Variants in BMP8A observed in about 807,000 individuals in gnomAD.
BMP8A encodes BMP-8A.
BMP8A carries 14 observed loss-of-function variants against 36.8 expected under a neutral mutation model. That is an observed-to-expected ratio of 0.38 (90% CI 0.25 to 0.60). BMP8A has a LOEUF of 0.60. BMP8A is among the 20% of genes least tolerant of loss of function. BMP8A has a pLI of 0.63. For synonymous variants in BMP8A, 120 were observed against 237.7 expected (o/e 0.50, Z 4.55); for missense variants, 267 against 551.1 (o/e 0.48, Z 5.16).
chr1:39,492,096 T>C lies in BMP8A; in HGVS notation c.105T>C (p.Arg35=), dbSNP rs1382732151. 5 of 1,165,890 alleles carry C rather than the reference T, an allele frequency of 4.3e-6. No individual in the cohort carries two copies. The highest frequency in any genetic ancestry group is 5.3e-6 in the Non-Finnish European group (5 of 948,570). The allele number at this position is 1,165,890 out of a possible 1,614,324, so 72.2% of individuals were successfully genotyped here. A position where few individuals can be genotyped will look rare whatever the true frequency, so the allele number is the denominator to read the frequency against. The change falls in exon 1 of 7, where the codon CGT becomes CGC. Residue 35 remains arginine (R), a synonymous_variant. Coordinates refer to ENST00000331593, the MANE Select transcript of BMP8A (RefSeq NM_181809.4). ...LRPPPGCPQR[R]LGARERRDVQ... The stretch of plus-strand genomic sequence containing the variant: ...CCCCGCCCGGCTGTCCCCAGCGACG[T>C]CTGGGCGCGCGCGAGCGCCGGGACG...
At chr1:39,499,923 G>A (rs1227517747) in intron 1 of BMP8A, among the ~76,000 whole-genome samples, 20 of 152,178 alleles carry the variant, frequency 1.3e-4, no homozygotes, top group Admixed American at 1.3e-3. Context: ...CACCTCCCAA[G>A]GTCATGCACT....
chr1:39,505,985 CCAAA>C (rs1486024547), intron 1 of BMP8A, among the ~76,000 whole-genome samples: 3,681 of 93,886 alleles, frequency 0.039, 401 homozygotes, highest in East Asian at 0.31. Context: ...GACCCTGTCT[CCAAA>C]AAAAAAAAAA....
chr1:39,525,526 G>C, intron 6 of BMP8A, 123 bp from the exon 7 acceptor site: 1 of 1,284,888 alleles, frequency 7.8e-7, no homozygotes, highest in Non-Finnish European at 1.1e-6. Flanking sequence ...TTATTATTGT[G>C]CTGCTCCCAT....
chr1:39,494,587 T>G (rs1394939158), intron 1 of BMP8A, among the ~76,000 whole-genome samples: 1 of 152,132 alleles, frequency 6.6e-6, no homozygotes, highest in Non-Finnish European at 1.5e-5. Flanking sequence ...ACTCCTGAAC[T>G]CAAGCAATCC....
At chr1:39,510,834 C>T (rs925869509) in intron 1 of BMP8A, among the ~76,000 whole-genome samples, 2 of 152,220 alleles carry the variant, frequency 1.3e-5, no homozygotes, top group African/African-American at 4.8e-5. Context: ...TGGAAGCTCC[C>T]AGAGGAGGCT....
intron 3 of BMP8A, chr1:39,515,688 G>A (rs1394254103): frequency 2.5e-6 from 4 of 1,575,702 alleles, no homozygotes; most frequent in African/African-American, 1.3e-5. Flanking sequence ...GGCGGTGGAG[G>A]TGGGGGCTTC....
chr1:39,505,032 A>G (rs1645288930), intron 1 of BMP8A, among the ~76,000 whole-genome samples: 1 of 152,204 alleles, frequency 6.6e-6, no homozygotes, highest in African/African-American at 2.4e-5. Context: ...TATCTCAGTA[A>G]ATAGAATGTC....
chr1:39,503,861 A>G (rs1247483853), intron 1 of BMP8A, among the ~76,000 whole-genome samples: 1 of 152,084 alleles, frequency 6.6e-6, no homozygotes, highest in East Asian at 1.9e-4. Flanking sequence ...GGATCACTTG[A>G]GTTTGGAAGG....
In BMP8A at chr1:39,525,828, C is replaced by CCTT. The variant is rs1280238878; in HGVS notation, c.*33_*35dup. 6.2e-7 allele frequency: 1 copy of CCTT among 1,612,740 alleles called. No individual in the cohort carries two copies. Among genetic ancestry groups the CCTT allele is most frequent in the African/African-American group, 1.3e-5 (1 of 74,928 alleles). ...GCCCGCCCAGCCCTACTGCAGCCAC[C>CCTT]CTTCTCATCTGGATCGGGCCCTGCA... is the stretch of plus-strand genomic sequence containing the variant. On this transcript the variant is annotated 3_prime_UTR_variant, in exon 7 of 7. Transcript: ENST00000331593.
intron 1 of BMP8A, among the ~76,000 whole-genome samples, chr1:39,492,832 G>T (rs1480649346): frequency 2.6e-5 from 4 of 152,200 alleles, no homozygotes; most frequent in African/African-American, 9.7e-5. Flanking sequence ...CGGCTGTCAG[G>T]GGAGCGGCTG....
At position 39,523,109 on chromosome 1, in the gene BMP8A, C is replaced by T. The variant is rs760214578; in HGVS notation, c.1051C>T (p.Gln351Ter). Reference protein sequence around the residue: ...CMNATNHAILQSLVHLMKPNA... With the variant: ...CMNATNHAIL ...GAACGCCACCAACCACGCCATCCTGCAGTCCCTGGTCAGTACCGTGCCCAT... is the reference window on the plus strand; with the variant it reads ...GAACGCCACCAACCACGCCATCCTGTAGTCCCTGGTCAGTACCGTGCCCAT... The change falls in exon 6 of 7, where the codon CAG (glutamine) becomes TAG (stop). Residue 351 changes from glutamine to a stop codon, truncating the protein, a stop_gained. Coordinates refer to ENST00000331593, the MANE Select transcript of BMP8A (RefSeq NM_181809.4). LOFTEE classifies it high-confidence loss of function. 1 of 1,613,904 alleles carries T rather than the reference C, an allele frequency of 6.2e-7. No homozygotes were observed. Among genetic ancestry groups the T allele is most frequent in the Admixed American group, 1.7e-5 (1 of 59,998 alleles).
rs774398315 is a variant in BMP8A at position 39,527,283 on chromosome 1, G to A, written c.*1485G>A. The stretch of plus-strand genomic sequence containing the variant: ...TCGGCCTCCACTGTTCCCGGAAACC[G>A]CTGTTCTCCTTGGAACAGCCACTGG... On this transcript the variant is annotated 3_prime_UTR_variant, in exon 7 of 7. Coordinates refer to ENST00000331593, the MANE Select transcript of BMP8A (RefSeq NM_181809.4). Among the ~76,000 whole-genome samples the A allele has an allele frequency of 3.9e-5, 6 of 152,162 alleles. No homozygotes were observed. The highest frequency in any genetic ancestry group is 2.1e-4 in the South Asian group (1 of 4,820).
rs1213075115 is a variant in BMP8A at position 39,528,766 on chromosome 1, G to C, written c.*2968G>C. 2.6e-5 allele frequency among the ~76,000 whole-genome samples: 4 copies of C among 151,218 alleles called. No individual in the cohort carries two copies. The highest frequency in any genetic ancestry group is 9.7e-5 in the African/African-American group (4 of 41,060). On this transcript the variant is annotated 3_prime_UTR_variant, in exon 7 of 7. Transcript: ENST00000331593. Reference sequence around the variant, plus strand: ...TCGCCCAGGCTGGAGTGCAGTGGCAGTGTCATGGCTCACTGCAGCCTCAAC... The same window carrying C: ...TCGCCCAGGCTGGAGTGCAGTGGCACTGTCATGGCTCACTGCAGCCTCAAC...
Position 39,525,828 on chromosome 1 carries a change from C to G in BMP8A, c.*30C>G, listed in dbSNP as rs1265644039. Reference sequence around the variant, plus strand: ...GCCCGCCCAGCCCTACTGCAGCCACCCTTCTCATCTGGATCGGGCCCTGCA... The same window carrying G: ...GCCCGCCCAGCCCTACTGCAGCCACGCTTCTCATCTGGATCGGGCCCTGCA... On this transcript the variant is annotated 3_prime_UTR_variant, in exon 7 of 7. Transcript: ENST00000331593. 1.9e-6 allele frequency: 3 copies of G among 1,612,858 alleles called. No individual in the cohort carries two copies. Among genetic ancestry groups the G allele is most frequent in the Non-Finnish European group, 2.5e-6 (3 of 1,179,950 alleles).
chr1:39,504,257 G>C (rs1310539410), intron 1 of BMP8A, among the ~76,000 whole-genome samples: 2 of 151,782 alleles, frequency 1.3e-5, no homozygotes, highest in Non-Finnish European at 2.9e-5. Flanking sequence ...CAGGGGACCG[G>C]CACTCAGCAT....
chr1:39,515,025 C>G, intron 3 of BMP8A: 3 of 1,550,396 alleles, frequency 1.9e-6, no homozygotes, highest in South Asian at 2.4e-5. Context: ...AGGGCTCGCG[C>G]TGTCCCAGGG....
In BMP8A at chr1:39,491,808, G is replaced by A. The variant is rs1645159860; in HGVS notation, c.-184G>A. 1 of 347,506 alleles carries A rather than the reference G, an allele frequency of 2.9e-6. No individual in the cohort carries two copies. The highest frequency in any genetic ancestry group is 4.2e-6 in the Non-Finnish European group (1 of 239,930). The allele number at this position is 347,506 out of a possible 1,614,324, so 21.5% of individuals were successfully genotyped here. A position where few individuals can be genotyped will look rare whatever the true frequency, so the allele number is the denominator to read the frequency against. On this transcript the variant is annotated 5_prime_UTR_variant, in exon 1 of 7. Transcript: ENST00000331593. ...TCTGCGTCCGCGTCAGCGTCCGCTT[G>A]TCCCGGAGCCGGGGCAGGTGCGCGC...
Position 39,527,325 on chromosome 1 carries a change from T to TTGA in BMP8A, c.*1529_*1531dup, listed in dbSNP as rs1645493154. ...AGCCACTGGGAGTTGGAGTGTTTAT[T>TTGA]TGATTTCTGACTTGCTAAGCCTGTA... is the stretch of plus-strand genomic sequence containing the variant. On this transcript the variant is annotated 3_prime_UTR_variant, in exon 7 of 7. Coordinates refer to ENST00000331593, the MANE Select transcript of BMP8A (RefSeq NM_181809.4). 6.6e-6 allele frequency among the ~76,000 whole-genome samples: 1 copy of TTGA among 152,142 alleles called. No individual in the cohort carries two copies. The highest frequency in any genetic ancestry group is 6.5e-5 in the Admixed American group (1 of 15,274).
intron 1 of BMP8A, among the ~76,000 whole-genome samples, chr1:39,497,441 A>G (rs1220322046): frequency 6.6e-6 from 1 of 152,154 alleles, no homozygotes; most frequent in Non-Finnish European, 1.5e-5. Flanking sequence ...CCACTTCTGC[A>G]CCATTGCTCG....
Sources: allele counts gnomAD v4.1 joint callset (sites outside exome capture counted in the v4.1 genomes callset), GRCh38; gene constraint gnomAD v4.1.1; transcripts MANE v1.5; gene names NCBI Gene and HGNC (gene_info 2026-07-23, HGNC 2026-07-21).